The following PAK3 variants were observed in gnomAD, a reference collection of about 807,000 sequenced individuals.
PAK3 encodes the protein p21 (RAC1) activated kinase 3.
Under a neutral mutation model 41.0 loss-of-function variants are expected in PAK3, and 4 were observed. The observed-to-expected ratio is 0.10, with a 90% CI of 0.05 to 0.22. The LOEUF (loss-of-function observed/expected upper bound fraction) is 0.22, where lower values mean the gene tolerates loss of function less well. PAK3 is among the 10% of genes least tolerant of loss of function. The pLI, the probability that PAK3 is intolerant of heterozygous loss-of-function variation, is 1.00. For missense variants in PAK3, 205 were observed against 409.9 expected (o/e 0.50, Z 4.32); for synonymous variants, 146 against 139.6 (o/e 1.05, Z -0.32).
At chrX:111,073,239 A>G (rs746921660) in intron 1 of PAK3, among the ~76,000 whole-genome samples, 1 of 111,906 alleles carries the variant, frequency 8.9e-6, no homozygotes, top group Non-Finnish European at 1.9e-5. Flanking sequence ...CCCTATTAAG[A>G]GGGAAGCTGA....
chrX:110,954,565 A>G (rs2090814626), intron 1 of PAK3, among the ~76,000 whole-genome samples: 1 of 111,677 alleles, frequency 9.0e-6, no homozygotes, highest in African/African-American at 3.3e-5. Flanking sequence ...GTTACACCAA[A>G]GGGGAATGTA....
chrX:111,116,779 A>G (rs1375557664), intron 4 of PAK3, among the ~76,000 whole-genome samples: 1 of 112,255 alleles, frequency 8.9e-6, no homozygotes, highest in African/African-American at 3.2e-5. Context: ...ACATGAATGT[A>G]TGCTGTGTGA....
At chrX:111,070,070 A>G (rs2092730368) in intron 1 of PAK3, among the ~76,000 whole-genome samples, 1 of 111,533 alleles carries the variant, frequency 9.0e-6, no homozygotes, top group Non-Finnish European at 1.9e-5. Context: ...CAAGCCACTA[A>G]AAAATGATTT....
intron 1 of PAK3, among the ~76,000 whole-genome samples, chrX:111,004,503 G>A (rs1471567151): frequency 8.9e-6 from 1 of 112,432 alleles, no homozygotes; most frequent in Non-Finnish European, 1.9e-5. Flanking sequence ...GAGAATATTC[G>A]TCATTTGTTC....
intron 5 of PAK3, among the ~76,000 whole-genome samples, chrX:111,137,315 G>A (rs1006177770): frequency 4.5e-5 from 5 of 111,458 alleles, no homozygotes; most frequent in Admixed American, 9.5e-5. Flanking sequence ...CTAAGGAAGC[G>A]GTACCCTCAC....
intron 1 of PAK3, among the ~76,000 whole-genome samples, chrX:110,980,732 A>C (rs754255998): frequency 8.9e-6 from 1 of 112,349 alleles, no homozygotes; most frequent in South Asian, 3.8e-4. Flanking sequence ...AAATATGATT[A>C]GACATAAAGA....
At chrX:111,019,118 A>T (rs948100661) in intron 1 of PAK3, among the ~76,000 whole-genome samples, 1 of 111,403 alleles carries the variant, frequency 9.0e-6, no homozygotes, top group African/African-American at 3.3e-5. Context: ...ACACCTAACC[A>T]TAATAACTAA....
At chrX:111,196,716 A>G in intron 16 of PAK3, 76 bp downstream of exon 16, 2 of 732,752 alleles carry the variant, frequency 2.7e-6, no homozygotes, top group Non-Finnish European at 4.3e-6. Context: ...GCTTCCACCA[A>G]AAGTGACCAG....
At chrX:111,016,186 G>A (rs898123059) in intron 1 of PAK3, among the ~76,000 whole-genome samples, 2 of 112,272 alleles carry the variant, frequency 1.8e-5, no homozygotes, top group Non-Finnish European at 3.8e-5. Context: ...TCAGCCATGA[G>A]TGCCTTAGCA....
chrX:111,208,063 G>C (rs746841909), intron 16 of PAK3, among the ~76,000 whole-genome samples: 1 of 112,583 alleles, frequency 8.9e-6, no homozygotes, highest in East Asian at 2.8e-4. Context: ...CAAAGTGCTG[G>C]GGTTACAGGC....
chrX:110,960,831 T>C (rs1602545398), intron 1 of PAK3, among the ~76,000 whole-genome samples: 1 of 111,504 alleles, frequency 9.0e-6, no homozygotes, highest in Middle Eastern at 4.6e-3. Context: ...AGAGAGCTTA[T>C]ATATCCAGCT....
intron 1 of PAK3, among the ~76,000 whole-genome samples, chrX:110,966,310 A>G (rs981274233): frequency 1.8e-5 from 2 of 110,604 alleles, no homozygotes; most frequent in Admixed American, 1.9e-4. Context: ...GCAGCTTTTC[A>G]TCTCTGCCCA....
chrX:111,120,386 G>T (rs2093548433), intron 4 of PAK3, among the ~76,000 whole-genome samples: 1 of 111,809 alleles, frequency 8.9e-6, no homozygotes, highest in African/African-American at 3.3e-5. Flanking sequence ...TAATCAGGCA[G>T]CCTGAAAGGA....
intron 1 of PAK3, among the ~76,000 whole-genome samples, chrX:110,959,571 A>G (rs2090936034): frequency 2.7e-5 from 3 of 111,526 alleles, no homozygotes; most frequent in African/African-American, 9.8e-5. Flanking sequence ...CCATCCCTAG[A>G]GAATCTGATT....
At chrX:111,107,246 C>T (rs766899097) in intron 4 of PAK3, among the ~76,000 whole-genome samples, 8 of 112,059 alleles carry the variant, frequency 7.1e-5, no homozygotes, top group African/African-American at 2.6e-4. Context: ...ATACTTAATA[C>T]CCTGTTAACC....
rs1039755625 is a variant in PAK3 at position 111,038,503 on chromosome X, T to A, written c.-27-84574T>A. On this transcript the variant is annotated intron_variant, in intron 1 of 14. Transcript: ENST00000425146. The stretch of plus-strand genomic sequence containing the variant: ...CTGAGGTTAAGTATAATGAGGTGTA[T>A]GGGACTCCAGGAAGAGTAGGTACTA... 1.9e-4 allele frequency among the ~76,000 whole-genome samples: 21 copies of A among 111,805 alleles called. 1 individual carries two copies. The highest frequency in any genetic ancestry group is 3.8e-5 in the Non-Finnish European group (2 of 53,177).
chrX:111,196,668 T>C (rs1412051815), intron 16 of PAK3, 28 bp downstream of exon 16: 3 of 1,065,843 alleles, frequency 2.8e-6, no homozygotes, highest in East Asian at 6.0e-5. Flanking sequence ...TCAGGTACTT[T>C]ATTCCCAGGA....
chrX:111,071,524 C>T lies in PAK3; in HGVS notation c.-27-51553C>T, dbSNP rs758779041. Among the ~76,000 whole-genome samples, 10 of 111,841 alleles carry T rather than the reference C, an allele frequency of 8.9e-5. No individual in the cohort carries two copies. The South Asian group carries it at 2.6e-3, about 29-fold the overall frequency. The stretch of plus-strand genomic sequence containing the variant: ...ATACACTATTATTATTGTTCTCCTC[C>T]TCCTCGTCATCATCTCTCTATATTT... On this transcript the variant is annotated intron_variant, in intron 1 of 14. Transcript: ENST00000425146.
intron 1 of PAK3, among the ~76,000 whole-genome samples, chrX:111,062,643 G>C (rs1427796545): frequency 9.0e-6 from 1 of 111,254 alleles, no homozygotes; most frequent in East Asian, 2.8e-4. Flanking sequence ...CAAGAAGAGA[G>C]GAAGAAAGGG....
Sources: allele counts gnomAD v4.1 joint callset (sites outside exome capture counted in the v4.1 genomes callset), GRCh38; gene constraint gnomAD v4.1.1; transcripts MANE v1.5; gene names NCBI Gene and HGNC (gene_info 2026-07-23, HGNC 2026-07-21).